SPOCK3: variants seen among roughly 807,000 people sequenced by gnomAD.
SPOCK3 encodes the protein SPARC (osteonectin), cwcv and kazal like domains proteoglycan 3.
SPOCK3 carries 30 observed loss-of-function variants against 56.6 expected under a neutral mutation model. The ratio of observed to expected loss-of-function variants is 0.53; its 90% CI spans 0.40 to 0.72. The LOEUF (loss-of-function observed/expected upper bound fraction) is 0.72, where lower values mean the gene tolerates loss of function less well. SPOCK3 is among the 30% of genes least tolerant of loss of function. SPOCK3 has a pLI of 0.00. For synonymous variants in SPOCK3, 196 were observed against 183.3 expected (o/e 1.07, Z -0.56); for missense variants, 527 against 530.0 (o/e 0.99, Z 0.06).
chr4:167,023,881 G>A (rs935592425), intron 3 of SPOCK3, among the ~76,000 whole-genome samples: 7 of 151,992 alleles, frequency 4.6e-5, no homozygotes, highest in African/African-American at 9.7e-5. Flanking sequence ...CCTGCTCTAC[G>A]CTGTAAGTCT....
At chr4:166,957,061 C>A (rs190549995) in intron 4 of SPOCK3, among the ~76,000 whole-genome samples, 176 of 152,250 alleles carry the variant, frequency 1.2e-3, no homozygotes, top group Non-Finnish European at 2.1e-3. Context: ...CGAGACCAGC[C>A]TGGCCAACAT....
intron 4 of SPOCK3, among the ~76,000 whole-genome samples, chr4:166,917,303 T>C (rs1257886105): frequency 6.6e-6 from 1 of 152,064 alleles, no homozygotes; most frequent in East Asian, 1.9e-4. Flanking sequence ...GTCCTAAATA[T>C]GCAAGCAGAA....
At chr4:167,086,074 T>C (rs1176611158) in intron 2 of SPOCK3, among the ~76,000 whole-genome samples, 1 of 152,098 alleles carries the variant, frequency 6.6e-6, no homozygotes, top group East Asian at 1.9e-4. Flanking sequence ...TGGGGTTATG[T>C]TCTTTATCTG....
chr4:166,965,174 T>C (rs1469201222), intron 4 of SPOCK3, among the ~76,000 whole-genome samples: 1 of 151,972 alleles, frequency 6.6e-6, no homozygotes, highest in African/African-American at 2.4e-5. Context: ...TACCCAAAAA[T>C]TCATGCAGAC....
At chr4:166,777,091 T>A (rs1739627590) in intron 7 of SPOCK3, among the ~76,000 whole-genome samples, 1 of 152,146 alleles carries the variant, frequency 6.6e-6, no homozygotes, top group Admixed American at 6.5e-5. Context: ...AGGCCAATAA[T>A]AAATGTAAGC....
chr4:166,791,888 C>T (rs1741401965), intron 7 of SPOCK3, among the ~76,000 whole-genome samples: 1 of 152,140 alleles, frequency 6.6e-6, no homozygotes, highest in African/African-American at 2.4e-5. Context: ...CTACTCTTTA[C>T]CACCTTAATA....
At chr4:167,052,140 CAA>C (rs1754283150) in intron 3 of SPOCK3, among the ~76,000 whole-genome samples, 1 of 152,014 alleles carries the variant, frequency 6.6e-6, no homozygotes, top group African/African-American at 2.4e-5. Context: ...TAGAACAAAA[CAA>C]TCAAAGATTT....
At chr4:167,043,260 A>T (rs908282505) in intron 3 of SPOCK3, among the ~76,000 whole-genome samples, 1 of 152,188 alleles carries the variant, frequency 6.6e-6, no homozygotes, top group Non-Finnish European at 1.5e-5. Flanking sequence ...TATTGCATTA[A>T]TGTAAAATCC....
At chr4:166,977,900 T>C (rs1746134646) in intron 4 of SPOCK3, among the ~76,000 whole-genome samples, 1 of 152,180 alleles carries the variant, frequency 6.6e-6, no homozygotes. Context: ...AAACTGCAAC[T>C]GCATATGCAC....
intron 6 of SPOCK3, chr4:166,883,214 C>A (rs1476099146): frequency 6.6e-6 from 1 of 152,104 alleles, no homozygotes; most frequent in African/African-American, 2.4e-5. Context: ...ATAATCATAG[C>A]ACAATAATGA....
chr4:166,830,184 T>A (rs1745889014), intron 6 of SPOCK3, among the ~76,000 whole-genome samples: 1 of 152,218 alleles, frequency 6.6e-6, no homozygotes, highest in African/African-American at 2.4e-5. Context: ...GTTGCCTTAA[T>A]AACCTAATAG....
chr4:166,797,187 G>T (rs28363930), intron 6 of SPOCK3, among the ~76,000 whole-genome samples: 27,923 of 148,900 alleles, frequency 0.19, 2,941 homozygotes, highest in African/African-American at 0.28. Flanking sequence ...GTACAAAAGG[G>T]AATTAATAAA....
At chr4:167,061,722 G>T (rs1157324245) in intron 3 of SPOCK3, among the ~76,000 whole-genome samples, 1 of 151,936 alleles carries the variant, frequency 6.6e-6, no homozygotes, top group Non-Finnish European at 1.5e-5. Context: ...ACTTCACAAA[G>T]TATTATCTTT....
At chr4:167,226,841 T>C (rs1736647321) in intron 2 of SPOCK3, among the ~76,000 whole-genome samples, 1 of 152,108 alleles carries the variant, frequency 6.6e-6, no homozygotes, top group South Asian at 2.1e-4. Flanking sequence ...CGTTTCTTGA[T>C]GGTCTCATGC....
At chr4:166,967,671 A>G (rs1744891004) in intron 4 of SPOCK3, among the ~76,000 whole-genome samples, 1 of 152,192 alleles carries the variant, frequency 6.6e-6, no homozygotes, top group Admixed American at 6.5e-5. Context: ...TCCTTTCTTC[A>G]TAAATTGCCC....
chr4:166,871,567 C>T (rs1360696515), intron 6 of SPOCK3, among the ~76,000 whole-genome samples: 5 of 152,066 alleles, frequency 3.3e-5, no homozygotes, highest in East Asian at 1.9e-4. Flanking sequence ...TTGGTTAAAA[C>T]GTTGCAAACA....
At chr4:166,804,268 C>G (rs549708881) in intron 6 of SPOCK3, among the ~76,000 whole-genome samples, 51 of 152,170 alleles carry the variant, frequency 3.4e-4, no homozygotes, top group African/African-American at 1.2e-3. Flanking sequence ...AGTCCAAGAC[C>G]AAGGTGTCAG....
chr4:167,027,722 G>A (rs1324339999), intron 3 of SPOCK3, among the ~76,000 whole-genome samples: 10 of 152,000 alleles, frequency 6.6e-5, no homozygotes, highest in Admixed American at 6.6e-4. Flanking sequence ...TCATAAGGAA[G>A]AGAAAATATA....
intron 3 of SPOCK3, among the ~76,000 whole-genome samples, chr4:167,005,426 G>T (rs1217834831): frequency 6.6e-6 from 1 of 151,702 alleles, no homozygotes; most frequent in East Asian, 2.0e-4. Context: ...TGTTAGCCAG[G>T]ATGGTCTCGA....
Sources: allele counts gnomAD v4.1 joint callset (sites outside exome capture counted in the v4.1 genomes callset), GRCh38; gene constraint gnomAD v4.1.1; transcripts MANE v1.5; gene names NCBI Gene and HGNC (gene_info 2026-07-23, HGNC 2026-07-21).